The following STRIP1 variants were observed in gnomAD, a reference collection of about 807,000 sequenced individuals.
The protein encoded by STRIP1 is striatin-interacting protein 1.
STRIP1 carries 63 observed loss-of-function variants against 106.2 expected under a neutral mutation model. That is an observed-to-expected ratio of 0.59 (90% CI 0.48 to 0.73). STRIP1 has a LOEUF of 0.73. Among genes scored for constraint, STRIP1 ranks in the 30% least tolerant of loss-of-function variants. The pLI, the probability that STRIP1 is intolerant of heterozygous loss-of-function variation, is 0.00. For synonymous variants in STRIP1, 390 were observed against 413.0 expected (o/e 0.94, Z 0.67); for missense variants, 857 against 1,074.8 (o/e 0.80, Z 2.83).
Position 110,046,736 on chromosome 1 carries a change from C to A in STRIP1, c.1473C>A (p.Arg491=), listed in dbSNP as rs1278014146. Residue 491 remains arginine (R), a synonymous_variant, in exon 13 of 21, where the codon CGC becomes CGA. Coordinates refer to ENST00000369795, the MANE Select transcript of STRIP1 (RefSeq NM_033088.4). ...VQAQMEEEYL[R]SPLSGGEEEV... ...CACAGATGGAGGAGGAATACCTCCG[C>A]TCCCCTCTCTCAGGGGTAAGTTGGA... 6.2e-7 allele frequency: 1 copy of A among 1,612,476 alleles called. No individual in the cohort carries two copies. Among genetic ancestry groups the A allele is most frequent in the South Asian group, 1.1e-5 (1 of 91,060 alleles).
chr1:110,051,401 G>T (rs933200293), intron 19 of STRIP1, among the ~76,000 whole-genome samples: 3 of 152,190 alleles, frequency 2.0e-5, no homozygotes, highest in Non-Finnish European at 2.9e-5. Flanking sequence ...TCTGATAACT[G>T]TGTGTACATG....
intron 12 of STRIP1, 64 bp downstream of exon 12, chr1:110,045,142 G>C: frequency 2.7e-6 from 4 of 1,463,552 alleles, no homozygotes; most frequent in Non-Finnish European, 3.8e-6. Flanking sequence ...AAACCAGCCT[G>C]TAGGGAGAAG....
In STRIP1 at chr1:110,034,830, G is replaced by GT. The variant is rs1320838188; in HGVS notation, c.180+13_180+14insT. ...CAAAGACTCAGAGGTCAGGAGCTTC[G>GT]GGGGGCGAGGCTCGCACCGGGTCGG... On this transcript the variant is annotated intron_variant, in intron 1 of 20. Coordinates refer to ENST00000369795, the MANE Select transcript of STRIP1 (RefSeq NM_033088.4). 7.3e-6 allele frequency: 10 copies of GT among 1,377,642 alleles called. No homozygotes were observed. In the East Asian group the frequency reaches 2.8e-4, roughly 38 times the overall value. The allele number at this position is 1,377,642 out of a possible 1,614,324, so 85.3% of individuals were successfully genotyped here. A position where few individuals can be genotyped will look rare whatever the true frequency, so the allele number is the denominator to read the frequency against.
chr1:110,051,606 T>G, intron 19 of STRIP1, 77 bp from the exon 20 acceptor site: 1 of 1,416,670 alleles, frequency 7.1e-7, no homozygotes, highest in Non-Finnish European at 9.7e-7. Flanking sequence ...TCCAAAGGGT[T>G]AAGCAGCAGT....
chr1:110,035,227 G>T (rs1024873726), intron 1 of STRIP1, among the ~76,000 whole-genome samples: 2 of 152,148 alleles, frequency 1.3e-5, no homozygotes, highest in African/African-American at 4.8e-5. Context: ...TGGCACGCGG[G>T]CTCCAGCTCC....
intron 1 of STRIP1, among the ~76,000 whole-genome samples, chr1:110,037,690 C>T (rs931735292): frequency 1.3e-5 from 2 of 152,150 alleles, no homozygotes; most frequent in African/African-American, 4.8e-5. Flanking sequence ...AGACAGTAAA[C>T]ACATCCTATA....
chr1:110,031,899 ATTT>A (rs201513805), upstream of STRIP1, among the ~76,000 whole-genome samples: 3 of 132,412 alleles, frequency 2.3e-5, no homozygotes, highest in African/African-American at 2.8e-5. Context: ...TTTTAATTTG[ATTT>A]TTTTTTTTTT....
upstream of STRIP1, among the ~76,000 whole-genome samples, chr1:110,032,130 A>C (rs1417396281): frequency 3.9e-5 from 6 of 152,034 alleles, no homozygotes; most frequent in Non-Finnish European, 8.8e-5. Flanking sequence ...ATTATCATAC[A>C]CCTATCTTTA....
chr1:110,039,498 T>C lies in STRIP1; in HGVS notation c.564T>C (p.Leu188=). 1 of 1,605,162 alleles carries C rather than the reference T, an allele frequency of 6.2e-7. No homozygotes were observed. The highest frequency in any genetic ancestry group is 8.5e-7 in the Non-Finnish European group (1 of 1,175,842). Residue 188 remains leucine (L), a synonymous_variant, in exon 5 of 21, where the codon CTT becomes CTC. Transcript: ENST00000369795. ...EVGTFNALVE[L]LNMEIDNSAA... The stretch of plus-strand genomic sequence containing the variant: ...GCACGTTCAATGCTTTGGTGGAGCT[T>C]CTGAACATGGAAATAGAGTGAGCAT...
Position 110,053,880 on chromosome 1 carries a change from A to G in STRIP1, c.2482A>G (p.Lys828Glu). Residue 828 changes from lysine to glutamate, a missense_variant, in exon 21 of 21, where the codon AAG becomes GAG. By Grantham distance (56) the Lys-to-Glu change is moderately conservative (BLOSUM62 1). Around this residue, in one of 2 missense-constraint regions of STRIP1, gnomAD observed 750 missense variants for 989.8 expected, o/e 0.76. Transcript: ENST00000369795. ...DLWLEREVFS[K>E]PISWEELLQ is the part of the protein sequence containing the mutation. ...CTGGTTAGAAAGGGAGGTCTTCTCC[A>G]AGCCCATTTCCTGGGAAGAGCTGCT... is the stretch of plus-strand genomic sequence containing the variant. 2 of 1,614,162 alleles carry G rather than the reference A, an allele frequency of 1.2e-6. No individual in the cohort carries two copies. The highest frequency in any genetic ancestry group is 4.5e-5 in the East Asian group (2 of 44,874).
At chr1:110,048,081 T>C (rs41281352) in intron 15 of STRIP1, 20,198 of 545,852 alleles carry the variant, frequency 0.037, 529 homozygotes, top group Non-Finnish European at 0.048. Flanking sequence ...GTGTAGACTC[T>C]ACCACTGAGC....
At chr1:110,033,007 A>G (rs1400808597), upstream of STRIP1, among the ~76,000 whole-genome samples, 2 of 152,200 alleles carry the variant, frequency 1.3e-5, no homozygotes, top group East Asian at 1.9e-4. Context: ...TTATCATTAT[A>G]TGGCTCTATC....
At chr1:110,047,198 G>A (rs1653067974) in intron 13 of STRIP1, among the ~76,000 whole-genome samples, 1 of 152,178 alleles carries the variant, frequency 6.6e-6, no homozygotes, top group South Asian at 2.1e-4. Flanking sequence ...CACGTCTAGT[G>A]CAGGGTTAAG....
intron 8 of STRIP1, among the ~76,000 whole-genome samples, chr1:110,042,242 AGT>A (rs1652799396): frequency 6.6e-6 from 1 of 152,190 alleles, no homozygotes; most frequent in Admixed American, 6.5e-5. Flanking sequence ...AAGGGGCAAG[AGT>A]GAGCCCTGAG....
At chr1:110,047,928 C>A in intron 15 of STRIP1, 59 bp downstream of exon 15, 1 of 1,398,942 alleles carries the variant, frequency 7.1e-7, no homozygotes, top group Non-Finnish European at 9.9e-7. Context: ...GAAGGGCAAA[C>A]ATTTTCCTCT....
chr1:110,050,502 C>G, intron 18 of STRIP1, 93 bp downstream of exon 18: 2 of 1,223,260 alleles, frequency 1.6e-6, no homozygotes, highest in Non-Finnish European at 2.4e-6. Flanking sequence ...ATAGAGGTGT[C>G]TCCCGCAGGT....
At chr1:110,045,285 T>C (rs1652968203) in intron 12 of STRIP1, 1 of 559,136 alleles carries the variant, frequency 1.8e-6, no homozygotes, top group East Asian at 3.0e-5. Flanking sequence ...GCTGAGCTTT[T>C]GTTTGGGACT....
In STRIP1 at chr1:110,046,743, C is replaced by A. The variant is rs1223414883; in HGVS notation, c.1480C>A (p.Leu494Ile). The A allele has an allele frequency of 6.2e-7, 1 of 1,612,058 alleles. No homozygotes were observed. The highest frequency in any genetic ancestry group is 1.3e-5 in the African/African-American group (1 of 74,828). The change falls in exon 13 of 21, where the codon CTC becomes ATC. Residue 494 changes from leucine to isoleucine, a missense_variant. Physicochemically the swap from Leu to Ile is conservative, Grantham distance 5. Coordinates refer to ENST00000369795, the MANE Select transcript of STRIP1 (RefSeq NM_033088.4). ...QMEEEYLRSP[L>I]SGGEEEVEQV... ...GGAGGAGGAATACCTCCGCTCCCCTCTCTCAGGGGTAAGTTGGAGGTCCTC... is the reference window on the plus strand; with the variant it reads ...GGAGGAGGAATACCTCCGCTCCCCTATCTCAGGGGTAAGTTGGAGGTCCTC...
intron 17 of STRIP1, 24 bp from the exon 18 acceptor site, chr1:110,050,319 A>G (rs200506144): frequency 2.3e-4 from 366 of 1,613,696 alleles, no homozygotes; most frequent in Middle Eastern, 6.6e-4. Flanking sequence ...CATGGTGGGC[A>G]TCTGGTTCCT....
Sources: allele counts gnomAD v4.1 joint callset (sites outside exome capture counted in the v4.1 genomes callset), GRCh38; gene constraint gnomAD v4.1.1; regional missense constraint gnomAD v4.1.1; transcripts MANE v1.5; gene names NCBI Gene and HGNC (gene_info 2026-07-23, HGNC 2026-07-21).